METTL21A: variants seen among roughly 807,000 people sequenced by gnomAD.
METTL21A encodes protein N-lysine methyltransferase METTL21A.
In METTL21A, 22 loss-of-function variants were observed where a neutral mutation model predicts 20.9. The ratio of observed to expected loss-of-function variants is 1.05; its 90% CI spans 0.75 to 1.50. The LOEUF (loss-of-function observed/expected upper bound fraction) is 1.50, where lower values mean the gene tolerates loss of function less well. Ranked by LOEUF, METTL21A falls within the 40% of genes most tolerant of loss-of-function variation. METTL21A has a pLI of 0.00. For synonymous variants in METTL21A, 93 were observed against 102.0 expected (o/e 0.91, Z 0.53); for missense variants, 271 against 266.8 (o/e 1.02, Z -0.11).
At chr2:207,624,382 T>G in exon 2 of METTL21A, 1 of 1,611,858 alleles carries the variant, frequency 6.2e-7, no homozygotes, top group South Asian at 1.1e-5. Context: ...CCATTCCGCC[T>G]GCACCCCGCC....
chr2:207,595,419 A>AT (rs548081856), intron 3 of METTL21A, among the ~76,000 whole-genome samples: 27 of 149,474 alleles, frequency 1.8e-4, no homozygotes, highest in South Asian at 4.2e-4. Flanking sequence ...TATATTCTAG[A>AT]TTTTTTTTTT....
intron 3 of METTL21A, among the ~76,000 whole-genome samples, chr2:207,585,658 A>T (rs1204942967): frequency 6.6e-6 from 1 of 152,246 alleles, no homozygotes; most frequent in Non-Finnish European, 1.5e-5. Flanking sequence ...AAACAACAGA[A>T]CACAGATAGA....
At chr2:207,602,903 A>G (rs1255138160) in intron 3 of METTL21A, 1 of 216,888 alleles carries the variant, frequency 4.6e-6, no homozygotes, top group East Asian at 6.8e-5. Context: ...CTCCCTGCAA[A>G]AGGAATTATT....
intron 3 of METTL21A, among the ~76,000 whole-genome samples, chr2:207,596,160 G>A (rs1039425948): frequency 3.3e-5 from 5 of 152,022 alleles, no homozygotes; most frequent in African/African-American, 4.8e-5. Flanking sequence ...CATAAGGTGC[G>A]GCCCAACCTC....
chr2:207,593,798 A>C (rs570145572), intron 3 of METTL21A, among the ~76,000 whole-genome samples: 1 of 150,612 alleles, frequency 6.6e-6, no homozygotes, highest in Admixed American at 6.6e-5. Flanking sequence ...GGCTCACTGC[A>C]ATCTCTGCCT....
chr2:207,621,916 G>C (rs770627819), exon 3 of METTL21A: 2 of 1,612,948 alleles, frequency 1.2e-6, no homozygotes, highest in South Asian at 2.2e-5. Flanking sequence ...AAGAACGATG[G>C]CCTGAATGAA....
intron 2 of METTL21A, among the ~76,000 whole-genome samples, chr2:207,622,161 A>ATTTTT (rs11326646): frequency 8.2e-6 from 1 of 122,324 alleles, no homozygotes; most frequent in African/African-American, 3.1e-5. Flanking sequence ...GGAAAGCTTA[A>ATTTTT]TTTTTTTTTT....
intron 3 of METTL21A, among the ~76,000 whole-genome samples, chr2:207,596,241 GC>G (rs1242073354): frequency 6.6e-6 from 1 of 152,096 alleles, no homozygotes; most frequent in Non-Finnish European, 1.5e-5. Context: ...TTTTTTAAAT[GC>G]CCTGAAATGA....
downstream of METTL21A, chr2:207,580,768 C>T (rs768808374): frequency 1.8e-4 from 40 of 224,868 alleles, no homozygotes; most frequent in Non-Finnish European, 2.8e-4. Context: ...AAAATTTCTT[C>T]CTCACTTCTG....
At chr2:207,592,361 A>G (rs950120251) in intron 3 of METTL21A, among the ~76,000 whole-genome samples, 18 of 152,090 alleles carry the variant, frequency 1.2e-4, no homozygotes, top group Non-Finnish European at 2.4e-4. Context: ...AGCCCAGATC[A>G]CGCCACTGCA....
At chr2:207,582,677 C>G (rs563136415) in intron 3 of METTL21A, among the ~76,000 whole-genome samples, 1 of 152,130 alleles carries the variant, frequency 6.6e-6, no homozygotes, top group South Asian at 2.1e-4. Context: ...TTCCAATGAT[C>G]TCTAGTTCCT....
rs754494358 is a variant in METTL21A at position 207,620,614 on chromosome 2, C to G, written c.259+1192G>C. On this transcript the variant is annotated intron_variant, in intron 3 of 3. Coordinates refer to ENST00000406927, the Ensembl canonical transcript of METTL21A. ...AATGAAAATTAAAAATAATACCTAA[C>G]ATACACGGGAATGTTCTAAGGCTCA... The G allele has an allele frequency of 1.4e-5, 20 of 1,472,536 alleles. No individual in the cohort carries two copies. The African/African-American group carries it at 2.8e-4, about 21-fold the overall frequency. The allele number at this position is 1,472,536 out of a possible 1,614,324, so 91.2% of individuals were successfully genotyped here. A position where few individuals can be genotyped will look rare whatever the true frequency, so the allele number is the denominator to read the frequency against.
chr2:207,608,660 G>A (rs773346736), downstream of METTL21A, among the ~76,000 whole-genome samples: 7 of 152,134 alleles, frequency 4.6e-5, no homozygotes, highest in South Asian at 2.1e-4. Context: ...TGCCGGGCGC[G>A]GTGGCTCACG....
chr2:207,584,473 G>A (rs968067456), intron 3 of METTL21A, among the ~76,000 whole-genome samples: 41 of 151,952 alleles, frequency 2.7e-4, no homozygotes, highest in Non-Finnish European at 8.8e-5. Flanking sequence ...GCACCATGTC[G>A]GCTCACTGTA....
intron 3 of METTL21A, among the ~76,000 whole-genome samples, chr2:207,621,583 G>A (rs1362693785): frequency 6.6e-6 from 1 of 152,042 alleles, no homozygotes; most frequent in Non-Finnish European, 1.5e-5. Flanking sequence ...ATAACAGAGT[G>A]TGTGTGTGTG....
chr2:207,593,172 C>CT (rs1559077662), intron 3 of METTL21A, among the ~76,000 whole-genome samples: 1 of 152,222 alleles, frequency 6.6e-6, no homozygotes, highest in African/African-American at 2.4e-5. Context: ...AATAACCCAT[C>CT]TGATCTTACA....
rs577512461 is a variant in METTL21A, at chr2:207,592,363, G to A, written c.260-10203C>T. ...CAGAGGTTGCAGTAGCCCAGATCAC[G>A]CCACTGCACTCCAGCCTGGCAACAG... On this transcript the variant is annotated intron_variant, in intron 3 of 3. Transcript: ENST00000425132. Among the ~76,000 whole-genome samples, 78 of 152,080 alleles carry A rather than the reference G, an allele frequency of 5.1e-4. 2 individuals carry two copies. Among genetic ancestry groups the A allele is most frequent in the African/African-American group, 1.6e-3 (68 of 41,488 alleles).
At chr2:207,622,932 T>C (rs540370320) in intron 2 of METTL21A, among the ~76,000 whole-genome samples, 41 of 151,666 alleles carry the variant, frequency 2.7e-4, no homozygotes, top group African/African-American at 8.5e-4. Context: ...TTTTGAGATG[T>C]AGTCTCACTC....
At chr2:207,596,166 A>T (rs1415967931) in intron 3 of METTL21A, among the ~76,000 whole-genome samples, 1 of 152,032 alleles carries the variant, frequency 6.6e-6, no homozygotes, top group Non-Finnish European at 1.5e-5. Flanking sequence ...GTGCGGCCCA[A>T]CCTCACTCTT....
Sources: gnomAD v4.1 joint callset for allele counts (sites outside exome capture counted in the v4.1 genomes callset) on GRCh38, gnomAD v4.1.1 for gene constraint, MANE v1.5 for transcripts, NCBI Gene and HGNC (gene_info 2026-07-23, HGNC 2026-07-21) for gene names.